The following EPHA5 variants were observed in gnomAD, a reference collection of about 807,000 sequenced individuals.
The protein encoded by EPHA5 is ephrin type-A receptor 5.
Under a neutral mutation model 105.0 loss-of-function variants are expected in EPHA5, and 60 were observed. That is an observed-to-expected ratio of 0.57 (90% CI 0.46 to 0.71). EPHA5 has a LOEUF of 0.71. Ranked by LOEUF, EPHA5 falls within the 30% of genes least tolerant of loss-of-function variation. EPHA5 has a pLI of 0.00. For missense variants in EPHA5, 1,218 were observed against 1,274.7 expected (o/e 0.96, Z 0.68); for synonymous variants, 513 against 449.1 (o/e 1.14, Z -1.80).
chr4:65,515,110 C>G (rs1036850214), intron 3 of EPHA5, among the ~76,000 whole-genome samples: 2 of 152,090 alleles, frequency 1.3e-5, no homozygotes, highest in African/African-American at 4.8e-5. Flanking sequence ...TCCATGTTCC[C>G]TAAAATCCAT....
At chr4:65,399,894 TA>T (rs1165086444) in intron 8 of EPHA5, among the ~76,000 whole-genome samples, 2 of 152,206 alleles carry the variant, frequency 1.3e-5, no homozygotes, top group Non-Finnish European at 2.9e-5. Flanking sequence ...TTCTATAAAC[TA>T]AAAGATGTTT....
At chr4:65,631,897 G>A (rs972370585) in intron 2 of EPHA5, among the ~76,000 whole-genome samples, 1 of 151,686 alleles carries the variant, frequency 6.6e-6, no homozygotes, top group Non-Finnish European at 1.5e-5. Context: ...ATATAACCAG[G>A]GTAAACACAG....
At chr4:65,572,562 T>C (rs1740302098) in intron 3 of EPHA5, among the ~76,000 whole-genome samples, 1 of 152,168 alleles carries the variant, frequency 6.6e-6, no homozygotes, top group Non-Finnish European at 1.5e-5. Context: ...TTAAATAGCA[T>C]AATGAGCCAT....
intron 8 of EPHA5, among the ~76,000 whole-genome samples, chr4:65,387,923 T>C (rs1344588959): frequency 2.1e-5 from 3 of 145,970 alleles, no homozygotes; most frequent in Non-Finnish European, 3.0e-5. Flanking sequence ...CCCATTAACT[T>C]GTCATTTAGC....
At chr4:65,450,589 C>T in intron 5 of EPHA5, among the ~76,000 whole-genome samples, 1 of 152,104 alleles carries the variant, frequency 6.6e-6, no homozygotes, top group East Asian at 1.9e-4. Flanking sequence ...ATGTGAAATA[C>T]TATAAATATC....
chr4:65,598,510 T>C (rs1578535781), intron 3 of EPHA5, among the ~76,000 whole-genome samples: 1 of 152,272 alleles, frequency 6.6e-6, no homozygotes, highest in East Asian at 1.9e-4. Flanking sequence ...AAGGAGTACA[T>C]GGTCTCCCGC....
chr4:65,505,214 T>C (rs1356175980), intron 3 of EPHA5, among the ~76,000 whole-genome samples: 2 of 152,064 alleles, frequency 1.3e-5, no homozygotes, highest in Non-Finnish European at 2.9e-5. Flanking sequence ...TAAGCTACGT[T>C]TGAATTAAGC....
intron 2 of EPHA5, among the ~76,000 whole-genome samples, chr4:65,642,283 T>A (rs985325866): frequency 3.9e-5 from 6 of 152,212 alleles, no homozygotes; most frequent in Admixed American, 6.5e-5. Context: ...CAGGCATTTA[T>A]CTGTATGGAG....
At chr4:65,365,593 A>T (rs1421235221) in intron 10 of EPHA5, among the ~76,000 whole-genome samples, 1 of 145,154 alleles carries the variant, frequency 6.9e-6, no homozygotes, top group African/African-American at 2.5e-5. Flanking sequence ...AAAGGAAACA[A>T]TTTTAAGGCA....
intron 3 of EPHA5, among the ~76,000 whole-genome samples, chr4:65,568,086 G>C (rs1739745077): frequency 1.3e-5 from 2 of 151,490 alleles, no homozygotes; most frequent in African/African-American, 4.8e-5. Context: ...GCTCTCTCTT[G>C]TTTTGGGTAA....
intron 2 of EPHA5, among the ~76,000 whole-genome samples, chr4:65,641,036 T>C (rs1442093132): frequency 6.6e-6 from 1 of 152,134 alleles, no homozygotes; most frequent in Non-Finnish European, 1.5e-5. Flanking sequence ...GAGAAAAAGA[T>C]ACTTCAAGAG....
At chr4:65,365,683 A>ATATATATATG in intron 10 of EPHA5, among the ~76,000 whole-genome samples, 1 of 114,826 alleles carries the variant, frequency 8.7e-6, no homozygotes, top group South Asian at 2.6e-4. Flanking sequence ...ATATATATAT[A>ATATATATATG]TATATAGTGA....
At chr4:65,405,641 T>C (rs966446785) in intron 7 of EPHA5, among the ~76,000 whole-genome samples, 1 of 152,178 alleles carries the variant, frequency 6.6e-6, no homozygotes, top group Admixed American at 6.6e-5. Flanking sequence ...TATTAACAGC[T>C]GTTTTGAGTA....
rs1719731157 is a variant in EPHA5, at chr4:65,322,692, T to A, written c.*1422A>T. ...AAGCCTAATTACATAATACCTTGGA[T>A]TGGTTCAATAAAATAAACTCAAAGC... On this transcript the variant is annotated 3_prime_UTR_variant, in exon 17 of 17. Coordinates refer to ENST00000613740, the MANE Select transcript of EPHA5 (RefSeq NM_001281766.3). 2 of 225,738 alleles carry A rather than the reference T, an allele frequency of 8.9e-6. No homozygotes were observed. Among genetic ancestry groups the A allele is most frequent in the Non-Finnish European group, 1.8e-5 (2 of 113,340 alleles). The allele number at this position is 225,738 out of a possible 1,614,324, so 14.0% of individuals were successfully genotyped here. A position where few individuals can be genotyped will look rare whatever the true frequency, so the allele number is the denominator to read the frequency against.
intron 1 of EPHA5, among the ~76,000 whole-genome samples, chr4:65,655,108 C>T (rs545501871): frequency 6.6e-6 from 1 of 151,616 alleles, no homozygotes; most frequent in East Asian, 1.9e-4. Context: ...CATAGTGTTA[C>T]CTGATAATCA....
chr4:65,444,602 T>C (rs2149093317), intron 5 of EPHA5, among the ~76,000 whole-genome samples: 1 of 152,306 alleles, frequency 6.6e-6, no homozygotes, highest in South Asian at 2.1e-4. Flanking sequence ...CCACAGCCAG[T>C]GTACTTTTAT....
At chr4:65,341,739 T>C (rs1388477249) in intron 14 of EPHA5, among the ~76,000 whole-genome samples, 2 of 151,916 alleles carry the variant, frequency 1.3e-5, no homozygotes, top group Non-Finnish European at 2.9e-5. Flanking sequence ...AGGAAGATTA[T>C]AGGAATTCAA....
chr4:65,406,611 C>A (rs1388050300), intron 7 of EPHA5, among the ~76,000 whole-genome samples: 1 of 152,038 alleles, frequency 6.6e-6, no homozygotes, highest in Non-Finnish European at 1.5e-5. Context: ...TTATCCTCCC[C>A]TTCTTTCTCC....
intron 8 of EPHA5, among the ~76,000 whole-genome samples, chr4:65,368,174 A>G (rs748065579): frequency 3.9e-5 from 6 of 151,976 alleles, no homozygotes; most frequent in Admixed American, 2.0e-4. Context: ...TCTTCTCCAC[A>G]TTGATGTATG....
Sources: allele counts gnomAD v4.1 joint callset (sites outside exome capture counted in the v4.1 genomes callset), GRCh38; gene constraint gnomAD v4.1.1; transcripts MANE v1.5; gene names NCBI Gene and HGNC (gene_info 2026-07-23, HGNC 2026-07-21).